SCNN1G: variants seen among roughly 807,000 people sequenced by gnomAD.
SCNN1G encodes sodium channel epithelial 1 subunit gamma.
SCNN1G carries 27 observed loss-of-function variants against 64.6 expected under a neutral mutation model. The observed-to-expected ratio is 0.42, with a 90% confidence interval of 0.31 to 0.58. The LOEUF is 0.58. Among genes scored for constraint, SCNN1G ranks in the 20% least tolerant of loss-of-function variants. SCNN1G has a pLI of 0.18. For synonymous variants in SCNN1G, 330 were observed against 314.2 expected (o/e 1.05, Z -0.53); for missense variants, 743 against 823.4 (o/e 0.90, Z 1.19).
At chr16:23,210,686 C>T (rs556732945) in intron 7 of SCNN1G, among the ~76,000 whole-genome samples, 2 of 152,170 alleles carry the variant, frequency 1.3e-5, no homozygotes, top group Non-Finnish European at 2.9e-5. Context: ...AGCACTGAGT[C>T]TTCCAACTTA....
intron 6 of SCNN1G, among the ~76,000 whole-genome samples, chr16:23,202,784 C>T (rs1959914087): frequency 6.6e-6 from 1 of 152,162 alleles, no homozygotes; most frequent in Non-Finnish European, 1.5e-5. Flanking sequence ...TAGGTCCTGG[C>T]TTGGGCAGGG....
rs996109418 is a variant in SCNN1G at position 23,186,174 on chromosome 16, C to G, written c.-44-54C>G. 8 of 1,150,998 alleles carry G rather than the reference C, an allele frequency of 7.0e-6. No homozygotes were observed. The Admixed American group carries it at 1.4e-4, about 21-fold the overall frequency. 71.3% of individuals were successfully genotyped at this position (1,150,998 alleles called of 1,614,324 possible). On this transcript the variant is annotated intron_variant, in intron 1 of 12. Transcript: ENST00000300061. ...TCCCAGACTGTGGTCTCCAGGGACA[C>G]ACTAGCCGGCTAGTGCCTGCCAGCT...
chr16:23,214,589 A>G, intron 11 of SCNN1G, 123 bp from the exon 12 acceptor site: 2 of 767,596 alleles, frequency 2.6e-6, no homozygotes, highest in Non-Finnish European at 4.7e-6. Context: ...AGGTTCTAAT[A>G]TCCCCAAGGA....
In SCNN1G at chr16:23,209,114, A is replaced by G. The variant is rs140773137; in HGVS notation, c.1078-636A>G. ...AAGCCTTTCCTGTTTGCTCTACCCA[A>G]TCGTACTCTGTCCACTTCATCCTCT... On this transcript the variant is annotated intron_variant, in intron 6 of 12. Coordinates refer to ENST00000300061, the MANE Select transcript of SCNN1G (RefSeq NM_001039.4). Among the ~76,000 whole-genome samples the G allele has an allele frequency of 7.0e-4, 106 of 151,996 alleles. No homozygotes were observed. In the East Asian group the frequency reaches 0.018, roughly 25 times the overall value.
intron 2 of SCNN1G, 134 bp from the exon 3 acceptor site, chr16:23,189,237 G>A: frequency 1.1e-6 from 1 of 895,966 alleles, no homozygotes. Context: ...TGAAAGGCGT[G>A]GTCTCCTCTG....
intron 4 of SCNN1G, among the ~76,000 whole-genome samples, 191 bp downstream of exon 4, chr16:23,192,733 A>G (rs1261581427): frequency 1.3e-5 from 2 of 152,136 alleles, no homozygotes; most frequent in African/African-American, 4.8e-5. Flanking sequence ...TACATGACAT[A>G]AAATCAAAAT....
chr16:23,214,980 C>A, intron 12 of SCNN1G, 109 bp from the exon 13 acceptor site: 1 of 1,344,958 alleles, frequency 7.4e-7, no homozygotes, highest in Non-Finnish European at 1.1e-6. Context: ...TCCTCCCAGC[C>A]TGTGCAGGGT....
chr16:23,197,456 T>C (rs544195315), intron 6 of SCNN1G, 29 bp downstream of exon 6: 1 of 1,601,894 alleles, frequency 6.2e-7, no homozygotes, highest in South Asian at 1.1e-5. Context: ...TTCCATAGGC[T>C]TGGAGAGAAC....
intron 7 of SCNN1G, 122 bp from the exon 8 acceptor site, chr16:23,211,912 G>A: frequency 1.3e-6 from 1 of 778,106 alleles, no homozygotes; most frequent in East Asian, 2.4e-5. Context: ...GGCATAAGGG[G>A]CAGGTTCATG....
intron 6 of SCNN1G, among the ~76,000 whole-genome samples, chr16:23,205,914 AC>A (rs1312989152): frequency 6.6e-6 from 1 of 152,078 alleles, no homozygotes. Flanking sequence ...TAGCCTGTTG[AC>A]TGGGGCTGGT....
intron 7 of SCNN1G, among the ~76,000 whole-genome samples, chr16:23,211,112 C>T (rs920724815): frequency 6.6e-6 from 1 of 152,200 alleles, no homozygotes; most frequent in African/African-American, 2.4e-5. Context: ...TGCACACACA[C>T]ACCTTACATG....
chr16:23,186,712 G>A lies in SCNN1G; in HGVS notation c.317+124G>A, dbSNP rs1959613012. The A allele has an allele frequency of 4.7e-6, 4 of 848,034 alleles. No homozygotes were observed. In the Admixed American group the frequency reaches 6.1e-5, roughly 13 times the overall value. The allele number at this position is 848,034 out of a possible 1,614,324, so 52.5% of individuals were successfully genotyped here. A position where few individuals can be genotyped will look rare whatever the true frequency, so the allele number is the denominator to read the frequency against. ...TTCCAGCCTACAAATGTGCTTTCTA[G>A]AAATTTGAATTTGTTGCTAACGCTG... On this transcript the variant is annotated intron_variant, in intron 2 of 12. Transcript: ENST00000300061.
intron 7 of SCNN1G, among the ~76,000 whole-genome samples, chr16:23,210,445 G>T (rs1488062168): frequency 6.6e-6 from 1 of 152,194 alleles, no homozygotes; most frequent in Non-Finnish European, 1.5e-5. Context: ...AGTGGGTGTA[G>T]CTACCCCAAT....
chr16:23,215,031 T>A, intron 12 of SCNN1G, 58 bp from the exon 13 acceptor site: 1 of 1,606,528 alleles, frequency 6.2e-7, no homozygotes, highest in Non-Finnish European at 8.5e-7. Context: ...AGGGTTCCTG[T>A]GTGAGGCCAA....
intron 2 of SCNN1G, 36 bp downstream of exon 2, chr16:23,186,624 C>G (rs1959611430): frequency 6.4e-7 from 1 of 1,570,726 alleles, no homozygotes; most frequent in African/African-American, 1.3e-5. Flanking sequence ...GAGTAGGGAG[C>G]CAGGCCCCCC....
intron 2 of SCNN1G, among the ~76,000 whole-genome samples, chr16:23,187,297 T>C (rs1331216432): frequency 6.6e-6 from 1 of 151,872 alleles, no homozygotes; most frequent in Non-Finnish European, 1.5e-5. Flanking sequence ...TTTTAAGAGA[T>C]GGGGTCTCGC....
At chr16:23,190,675 G>C (rs567948301) in intron 3 of SCNN1G, among the ~76,000 whole-genome samples, 1 of 152,120 alleles carries the variant, frequency 6.6e-6, no homozygotes, top group South Asian at 2.1e-4. Context: ...TGTATCCAGA[G>C]GGGGAAAGGA....
intron 6 of SCNN1G, among the ~76,000 whole-genome samples, chr16:23,199,117 C>T (rs1188422305): frequency 2.0e-5 from 3 of 152,158 alleles, no homozygotes; most frequent in Non-Finnish European, 4.4e-5. Context: ...CCACTCCCGA[C>T]ATCCAGACTT....
intron 3 of SCNN1G, among the ~76,000 whole-genome samples, chr16:23,191,302 T>C (rs1162082487): frequency 1.3e-5 from 2 of 152,228 alleles, no homozygotes; most frequent in African/African-American, 4.8e-5. Flanking sequence ...TGTGACCTTG[T>C]AGCTATAGTC....
Sources: allele counts gnomAD v4.1 joint callset (sites outside exome capture counted in the v4.1 genomes callset), GRCh38; gene constraint gnomAD v4.1.1; transcripts MANE v1.5; gene names NCBI Gene and HGNC (gene_info 2026-07-23, HGNC 2026-07-21).